Variants in TANGO6 observed in about 807,000 individuals in gnomAD.
TANGO6 encodes transport and Golgi organization protein 6 homolog.
TANGO6 carries 90 observed loss-of-function variants against 114.2 expected under a neutral mutation model. The observed-to-expected ratio is 0.79, with a 90% CI of 0.66 to 0.94. TANGO6 has a LOEUF of 0.94. Among genes scored for constraint, TANGO6 ranks in the 40% least tolerant of loss-of-function variants. The pLI is 0.00. For synonymous variants in TANGO6, 477 were observed against 509.8 expected (o/e 0.94, Z 0.87); for missense variants, 1,274 against 1,315.3 (o/e 0.97, Z 0.49).
intron 15 of TANGO6, among the ~76,000 whole-genome samples, chr16:69,006,695 G>A (rs777494253): frequency 6.6e-6 from 1 of 152,108 alleles, no homozygotes; most frequent in Non-Finnish European, 1.5e-5. Flanking sequence ...TGGTTGCAGT[G>A]AACTGAGATC....
At chr16:68,993,616 G>A (rs1180421656) in intron 15 of TANGO6, among the ~76,000 whole-genome samples, 1 of 152,130 alleles carries the variant, frequency 6.6e-6, no homozygotes, top group African/African-American at 2.4e-5. Context: ...TAAACATGAA[G>A]TTATAGTCTC....
At chr16:68,995,588 G>A (rs1200596353) in intron 15 of TANGO6, among the ~76,000 whole-genome samples, 3 of 152,154 alleles carry the variant, frequency 2.0e-5, no homozygotes, top group Non-Finnish European at 4.4e-5. Context: ...GGAAAGAAGA[G>A]GGGAATTTTT....
chr16:69,038,611 T>C (rs1424901547), intron 16 of TANGO6, among the ~76,000 whole-genome samples: 1 of 152,212 alleles, frequency 6.6e-6, no homozygotes, highest in Admixed American at 6.5e-5. Context: ...TTAAAACATT[T>C]TTCTGCCTAC....
intron 15 of TANGO6, among the ~76,000 whole-genome samples, chr16:68,980,409 C>CTCTCTCTCTCTCTATATA (rs1408626276): frequency 5.9e-5 from 4 of 67,992 alleles, no homozygotes; most frequent in African/African-American, 1.3e-4. Flanking sequence ...CTCTCTCTCT[C>CTCTCTCTCTCTCTATATA]TATATATATA....
intron 12 of TANGO6, among the ~76,000 whole-genome samples, chr16:68,922,229 A>C: frequency 6.6e-6 from 1 of 151,632 alleles, no homozygotes; most frequent in Admixed American, 6.6e-5. Context: ...GACAACAACA[A>C]CAAAAACAAA....
At chr16:68,897,901 C>A (rs995236177) in intron 7 of TANGO6, among the ~76,000 whole-genome samples, 6 of 152,250 alleles carry the variant, frequency 3.9e-5, no homozygotes, top group Middle Eastern at 6.8e-3. Context: ...TTATCAGCAA[C>A]AACATATAAC....
chr16:69,047,064 C>A (rs1298913937), intron 17 of TANGO6, among the ~76,000 whole-genome samples: 1 of 150,862 alleles, frequency 6.6e-6, no homozygotes, highest in Non-Finnish European at 1.5e-5. Context: ...GCCTATAATC[C>A]CAGCTTCTCA....
At chr16:68,921,204 A>G (rs1302981231) in intron 12 of TANGO6, among the ~76,000 whole-genome samples, 1 of 148,324 alleles carries the variant, frequency 6.7e-6, no homozygotes, top group South Asian at 2.1e-4. Flanking sequence ...TTTTTTTCAG[A>G]CAGAGTCTTA....
chr16:69,022,574 T>C (rs983074153), intron 15 of TANGO6, among the ~76,000 whole-genome samples: 8 of 151,984 alleles, frequency 5.3e-5, no homozygotes, highest in African/African-American at 1.9e-4. Flanking sequence ...CATGGTGGCA[T>C]GCACCTGTAG....
At chr16:68,914,265 G>A (rs1201381795) in intron 11 of TANGO6, among the ~76,000 whole-genome samples, 1 of 152,124 alleles carries the variant, frequency 6.6e-6, no homozygotes, top group African/African-American at 2.4e-5. Flanking sequence ...TGGTTCAAGC[G>A]ATTTTCCTGC....
At chr16:68,958,856 T>C (rs1963561439) in intron 14 of TANGO6, among the ~76,000 whole-genome samples, 1 of 152,106 alleles carries the variant, frequency 6.6e-6, no homozygotes. Context: ...GAGGATCATC[T>C]GAGGCCAGGA....
intron 1 of TANGO6, among the ~76,000 whole-genome samples, chr16:68,848,092 T>TTC (rs923907633): frequency 6.6e-6 from 1 of 151,786 alleles, no homozygotes; most frequent in African/African-American, 2.4e-5. Context: ...CTCTCTCTGT[T>TTC]TCTCTCTCTC....
intron 17 of TANGO6, among the ~76,000 whole-genome samples, chr16:69,041,385 G>T (rs1412632045): frequency 6.6e-6 from 1 of 151,602 alleles, no homozygotes; most frequent in African/African-American, 2.4e-5. Flanking sequence ...GGCGGAGGTT[G>T]CAGTGAGCCG....
chr16:68,966,220 T>C (rs1963643821), intron 14 of TANGO6, among the ~76,000 whole-genome samples: 1 of 148,546 alleles, frequency 6.7e-6, no homozygotes, highest in African/African-American at 2.5e-5. Context: ...AACAAGACTC[T>C]GTCTTAAAAA....
At chr16:69,071,480 A>T (rs915159980) in intron 17 of TANGO6, among the ~76,000 whole-genome samples, 2 of 152,200 alleles carry the variant, frequency 1.3e-5, no homozygotes, top group Non-Finnish European at 2.9e-5. Flanking sequence ...ACACAATAAG[A>T]ACAGAATAGC....
chr16:69,036,977 G>A (rs982086480), intron 16 of TANGO6, among the ~76,000 whole-genome samples: 2 of 150,370 alleles, frequency 1.3e-5, no homozygotes, highest in Admixed American at 6.6e-5. Flanking sequence ...AAAAAAAAAA[G>A]AAAAAGAAGA....
intron 7 of TANGO6, among the ~76,000 whole-genome samples, chr16:68,898,174 GT>G (rs1962733248): frequency 6.6e-6 from 1 of 151,834 alleles, no homozygotes; most frequent in African/African-American, 2.4e-5. Flanking sequence ...CCTGTAATTG[GT>G]GATATCATCA....
chr16:69,055,580 C>T (rs2152238506), intron 17 of TANGO6, among the ~76,000 whole-genome samples: 1 of 152,314 alleles, frequency 6.6e-6, no homozygotes, highest in South Asian at 2.1e-4. Context: ...TGTGGGGTTG[C>T]TGGTTTGTGT....
At chr16:68,993,238 C>T (rs1963961127) in intron 15 of TANGO6, among the ~76,000 whole-genome samples, 1 of 152,160 alleles carries the variant, frequency 6.6e-6, no homozygotes, top group Admixed American at 6.5e-5. Context: ...AAGATAACAA[C>T]ATAATTATGC....
Sources: gnomAD v4.1 joint callset for allele counts (sites outside exome capture counted in the v4.1 genomes callset) on GRCh38, gnomAD v4.1.1 for gene constraint, MANE v1.5 for transcripts, NCBI Gene and HGNC (gene_info 2026-07-23, HGNC 2026-07-21) for gene names.